NFASC: variants seen among roughly 807,000 people sequenced by gnomAD.
The protein encoded by NFASC is neurofascin, also known as neurofascin homolog.
NFASC carries 43 observed loss-of-function variants against 147.5 expected under a neutral mutation model. That is an observed-to-expected ratio of 0.29 (90% CI 0.23 to 0.38). The LOEUF is 0.38. Among genes scored for constraint, NFASC ranks in the 10% least tolerant of loss-of-function variants. NFASC has a pLI of 1.00. For synonymous variants in NFASC, 622 were observed against 665.5 expected (o/e 0.93, Z 1.01); for missense variants, 1,320 against 1,689.0 (o/e 0.78, Z 3.83).
intron 1 of NFASC, among the ~76,000 whole-genome samples, chr1:204,890,385 C>T (rs549130418): frequency 6.6e-6 from 1 of 152,266 alleles, no homozygotes; most frequent in South Asian, 2.1e-4. Flanking sequence ...ACAGGGCAGG[C>T]CTGGGGGCAA....
intron 21 of NFASC, among the ~76,000 whole-genome samples, chr1:204,985,196 C>T (rs547214939): frequency 2.6e-5 from 4 of 152,294 alleles, no homozygotes; most frequent in African/African-American, 9.6e-5. Flanking sequence ...CCTGTGGCTT[C>T]TTACCCACTG....
chr1:204,967,945 G>GGAGGGCGCCGCAA, intron 8 of NFASC: 1 of 292,306 alleles, frequency 3.4e-6, no homozygotes. Flanking sequence ...AGTAGATCTC[G>GGAGGGCGCCGCAA]CACTGCTCAG....
At chr1:204,976,026 T>C (rs915771802) in intron 15 of NFASC, among the ~76,000 whole-genome samples, 5 of 152,196 alleles carry the variant, frequency 3.3e-5, no homozygotes, top group Non-Finnish European at 7.4e-5. Flanking sequence ...TCCCCAGGGC[T>C]TACTTTGCTT....
At chr1:204,991,211 G>A in intron 23 of NFASC, 81 bp from the exon 24 acceptor site, 5 of 1,491,410 alleles carry the variant, frequency 3.4e-6, no homozygotes, top group Non-Finnish European at 4.6e-6. Flanking sequence ...TTGTCCTGTG[G>A]TCTCACTTGT....
At chr1:204,896,762 T>C (rs1371193270) in intron 1 of NFASC, among the ~76,000 whole-genome samples, 1 of 152,242 alleles carries the variant, frequency 6.6e-6, no homozygotes, top group African/African-American at 2.4e-5. Flanking sequence ...AAAATTATTA[T>C]TATTAATGGC....
intron 1 of NFASC, among the ~76,000 whole-genome samples, chr1:204,837,061 C>G (rs1406589891): frequency 6.6e-6 from 1 of 152,246 alleles, no homozygotes; most frequent in Non-Finnish European, 1.5e-5. Flanking sequence ...GCATGACTGA[C>G]TTGTGACTGC....
intron 27 of NFASC, among the ~76,000 whole-genome samples, chr1:205,003,645 A>AG (rs778895929): frequency 3.3e-5 from 5 of 152,172 alleles, no homozygotes; most frequent in Non-Finnish European, 5.9e-5. Context: ...CCTTGCCCCC[A>AG]GGGGATATCC....
intron 8 of NFASC, chr1:204,967,953 CA>C: frequency 6.3e-6 from 2 of 316,614 alleles, no homozygotes; most frequent in South Asian, 3.6e-5. Flanking sequence ...TCGCACTGCT[CA>C]GACAGCCCCT....
intron 1 of NFASC, among the ~76,000 whole-genome samples, chr1:204,856,065 G>A (rs914633298): frequency 5.3e-5 from 8 of 152,050 alleles, no homozygotes; most frequent in Admixed American, 2.0e-4. Flanking sequence ...TGGTGACACC[G>A]CCAGTCCACG....
intron 3 of NFASC, among the ~76,000 whole-genome samples, chr1:204,948,030 TCACA>T (rs2093888352): frequency 6.6e-6 from 1 of 152,112 alleles, no homozygotes; most frequent in Non-Finnish European, 1.5e-5. Flanking sequence ...TCACTCCCAC[TCACA>T]CACCTCAATC....
At chr1:204,865,584 A>G (rs1174666588) in intron 1 of NFASC, among the ~76,000 whole-genome samples, 1 of 152,230 alleles carries the variant, frequency 6.6e-6, no homozygotes, top group Non-Finnish European at 1.5e-5. Context: ...TCAGTTGACC[A>G]TAGAAATATG....
Position 204,988,730 on chromosome 1 carries a change from C to T in NFASC, c.2691C>T (p.Arg897=). Residue 897 remains arginine, a synonymous_variant, in exon 23 of 30, where the codon CGC becomes CGT. Coordinates refer to ENST00000339876, the MANE Select transcript of NFASC (RefSeq NM_001005388.3). ...GAACGGACCCCGTGTCACGCTACCGCTTTACCCTCAGCGCCAGGACGCAGG... is the reference window on the plus strand; with the variant it reads ...GAACGGACCCCGTGTCACGCTACCGTTTTACCCTCAGCGCCAGGACGCAGG... ...VQRTDPVSRY[R]FTLSARTQVG... The T allele has an allele frequency of 6.2e-7, 1 of 1,614,244 alleles. No individual in the cohort carries two copies.
intron 27 of NFASC, among the ~76,000 whole-genome samples, chr1:205,006,981 G>A (rs1038833055): frequency 3.3e-5 from 5 of 152,146 alleles, no homozygotes; most frequent in African/African-American, 1.2e-4. Context: ...CAGCTTGGGA[G>A]AGGCCCACTC....
At chr1:204,976,074 G>A (rs1452863249) in intron 15 of NFASC, among the ~76,000 whole-genome samples, 1 of 152,140 alleles carries the variant, frequency 6.6e-6, no homozygotes, top group East Asian at 1.9e-4. Context: ...GTTGTGCAGG[G>A]CCCTGCAGTT....
chr1:204,848,550 C>G (rs1303766901), intron 1 of NFASC, among the ~76,000 whole-genome samples: 1 of 152,220 alleles, frequency 6.6e-6, no homozygotes, highest in Non-Finnish European at 1.5e-5. Context: ...GTGAGACATA[C>G]AGTAAAGTAC....
chr1:204,992,327 T>C (rs1464318386), intron 24 of NFASC, among the ~76,000 whole-genome samples: 1 of 152,180 alleles, frequency 6.6e-6, no homozygotes, highest in East Asian at 1.9e-4. Context: ...GGTTGGCTTA[T>C]GAAGGGGATG....
At position 204,899,350 on chromosome 1, in the gene NFASC, G is replaced by A. The variant is rs186014127; in HGVS notation, c.-199-21282G>A. On this transcript the variant is annotated intron_variant, in intron 1 of 29. Coordinates refer to ENST00000339876, the MANE Select transcript of NFASC (RefSeq NM_001005388.3). ...TTTTCTCTGCCCAGGGTTTATTTGA[G>A]GTTTCTGCTCATAGCCCTGGCAAGA... Among the ~76,000 whole-genome samples, 116 of 152,312 alleles carry A rather than the reference G, an allele frequency of 7.6e-4. 1 individual carries two copies. The highest frequency in any genetic ancestry group is 4.6e-3 in the South Asian group (22 of 4,830).
Position 204,954,383 on chromosome 1 carries a change from T to C in NFASC, c.411T>C (p.Ser137=), listed in dbSNP as rs755987862. ...CCAATAGGATCCGCCTGCAGGTGTC[T>C]AGTGAGTAGCGTGGGGCAGGGCTGA... ...ALSNRIRLQV[S]KSPLWPKENL... The change falls in exon 6 of 30, where the codon TCT becomes TCC. Residue 137 remains serine (S), a splice_region_variant and synonymous_variant. Coordinates refer to ENST00000339876, the MANE Select transcript of NFASC (RefSeq NM_001005388.3). This position sits in a 1 kb window ranked among gnomAD's most constrained non-coding sequence, Gnocchi z 5.7. The C allele has an allele frequency of 8.1e-6, 13 of 1,613,538 alleles. No individual in the cohort carries two copies. The East Asian group carries it at 2.5e-4, about 30-fold the overall frequency.
At chr1:204,908,291 A>G (rs2086449936) in intron 1 of NFASC, among the ~76,000 whole-genome samples, 1 of 151,914 alleles carries the variant, frequency 6.6e-6, no homozygotes, top group East Asian at 1.9e-4. Flanking sequence ...CTGAGAATAT[A>G]TTTTTACAAT....
Sources: allele counts gnomAD v4.1 joint callset (sites outside exome capture counted in the v4.1 genomes callset), GRCh38; gene constraint gnomAD v4.1.1; non-coding constraint Gnocchi (gnomAD v3.1); transcripts MANE v1.5; gene names NCBI Gene and HGNC (gene_info 2026-07-23, HGNC 2026-07-21).